Variants in CPSF3 observed in about 807,000 individuals in gnomAD.
CPSF3 encodes the protein cleavage and polyadenylation specificity factor subunit 3.
In CPSF3, 57 loss-of-function variants were observed where a neutral mutation model predicts 84.1. That is an observed-to-expected ratio of 0.68 (90% CI 0.55 to 0.85). CPSF3 has a LOEUF of 0.85. Among genes scored for constraint, CPSF3 ranks in the 40% least tolerant of loss-of-function variants. CPSF3 has a pLI of 0.00. For synonymous variants in CPSF3, 275 were observed against 278.1 expected (o/e 0.99, Z 0.11); for missense variants, 522 against 838.8 (o/e 0.62, Z 4.66).
At chr2:9,461,590 A>G (rs1681725791) in intron 15 of CPSF3, among the ~76,000 whole-genome samples, 2 of 151,826 alleles carry the variant, frequency 1.3e-5, no homozygotes, top group African/African-American at 4.8e-5. Context: ...AAATTGCTTG[A>G]AACCGGGGGG....
intron 16 of CPSF3, 57 bp downstream of exon 16, chr2:9,467,833 C>T (rs1035856964): frequency 1.4e-6 from 2 of 1,399,018 alleles, no homozygotes; most frequent in African/African-American, 2.8e-5. Flanking sequence ...GGAAGGAGCC[C>T]TGGATTCGGC....
intron 10 of CPSF3, among the ~76,000 whole-genome samples, chr2:9,446,218 G>T (rs1338512126): frequency 6.6e-6 from 1 of 152,202 alleles, no homozygotes; most frequent in Non-Finnish European, 1.5e-5. Context: ...GCCGATGTGG[G>T]TGGATCACTT....
intron 15 of CPSF3, among the ~76,000 whole-genome samples, chr2:9,466,366 A>G (rs1000140703): frequency 4.4e-4 from 65 of 146,294 alleles, no homozygotes; most frequent in Non-Finnish European, 7.9e-4. Context: ...ACACACACGC[A>G]CACACCCACG....
chr2:9,426,784 A>G lies in CPSF3; in HGVS notation c.51-1981A>G, dbSNP rs12988007. Among the ~76,000 whole-genome samples, 101 of 151,160 alleles carry G rather than the reference A, an allele frequency of 6.7e-4. 2 individuals are homozygous for G. The East Asian group carries it at 0.019, about 29-fold the overall frequency. ...GAGAACAAGATAGGGACTGACACCT[A>G]TAGTTCCAGCTACTTGGGAGGCTGA... is the stretch of plus-strand genomic sequence containing the variant. On this transcript the variant is annotated intron_variant, in intron 1 of 17. Transcript: ENST00000238112.
intron 10 of CPSF3, among the ~76,000 whole-genome samples, chr2:9,444,951 C>T (rs1047282137): frequency 6.6e-6 from 1 of 152,218 alleles, no homozygotes; most frequent in Non-Finnish European, 1.5e-5. Context: ...CAGGCATGAG[C>T]CACTGCACCT....
intron 4 of CPSF3, among the ~76,000 whole-genome samples, chr2:9,431,416 A>G (rs1179842575): frequency 6.6e-6 from 1 of 152,100 alleles, no homozygotes; most frequent in Non-Finnish European, 1.5e-5. Flanking sequence ...TGGAAGAGTT[A>G]TGCTTAATTG....
chr2:9,471,877 C>G (rs6432005), intron 17 of CPSF3, among the ~76,000 whole-genome samples: 10,437 of 151,612 alleles, frequency 0.069, 1,230 homozygotes, highest in African/African-American at 0.24. Context: ...ATGGCGGCAG[C>G]TGCCTGTAGT....
At position 9,441,934 on chromosome 2, in the gene CPSF3, T is replaced by G. The variant is rs1680969245; in HGVS notation, c.1053T>G (p.Gly351=). 6.2e-7 allele frequency: 1 copy of G among 1,614,178 alleles called. No homozygotes were observed. Among genetic ancestry groups the G allele is most frequent in the Non-Finnish European group, 8.5e-7 (1 of 1,180,024 alleles). The change falls in exon 9 of 18, where the codon GGT becomes GGG. Residue 351 remains glycine, a synonymous_variant. Coordinates refer to ENST00000238112, the MANE Select transcript of CPSF3 (RefSeq NM_016207.4). Reference sequence around the variant, plus strand: ...GCTGGTGTACTGATAAGAGGAATGGTGTCATTATAGCGGGATACTGTGTAG... The same window carrying G: ...GCTGGTGTACTGATAAGAGGAATGGGGTCATTATAGCGGGATACTGTGTAG... ...FESWCTDKRN[G]VIIAGYCVEG...
intron 15 of CPSF3, among the ~76,000 whole-genome samples, chr2:9,463,296 G>A (rs1259840453): frequency 6.6e-6 from 1 of 152,208 alleles, no homozygotes; most frequent in Non-Finnish European, 1.5e-5. Context: ...CTTGCTGAAA[G>A]TACTGTTAGG....
At chr2:9,463,195 C>A (rs1273804956) in intron 15 of CPSF3, among the ~76,000 whole-genome samples, 2 of 152,198 alleles carry the variant, frequency 1.3e-5, no homozygotes, top group African/African-American at 4.8e-5. Context: ...GGACCTCAGA[C>A]TTTCAGTGTG....
At chr2:9,463,055 T>C (rs1486948165) in intron 15 of CPSF3, among the ~76,000 whole-genome samples, 1 of 152,220 alleles carries the variant, frequency 6.6e-6, no homozygotes, top group Non-Finnish European at 1.5e-5. Flanking sequence ...CTCAAAGTGC[T>C]TAGGAAACAT....
rs964019807 is a variant in CPSF3, at chr2:9,441,702, A to G, written c.937-116A>G. On this transcript the variant is annotated intron_variant, in intron 8 of 17. Coordinates refer to ENST00000238112, the MANE Select transcript of CPSF3 (RefSeq NM_016207.4). ...CTTAAAATGTTTACAGATCTTGTGA[A>G]GGCTCTTTCAGTGATGTGATTAATC... is the stretch of plus-strand genomic sequence containing the variant. 6 of 1,009,348 alleles carry G rather than the reference A, an allele frequency of 5.9e-6. No homozygotes were observed. The African/African-American group carries it at 6.5e-5, about 11-fold the overall frequency. The allele number at this position is 1,009,348 out of a possible 1,614,324, so 62.5% of individuals were successfully genotyped here.
In CPSF3 at chr2:9,471,399, C is replaced by T. The variant is rs1208417046; in HGVS notation, c.1913C>T (p.Thr638Ile). ...SVKDDSILSV[T>I]VDGKTANLNL... ...AAGGATGACTCTATTCTTAGCGTCA[C>T]AGTGGACGGGAAAACTGCCAACCTT... The change falls in exon 17 of 18, where the codon ACA becomes ATA. Residue 638 changes from threonine (T) to isoleucine (I), a missense_variant. Thr to Ile is a moderately conservative substitution (Grantham distance 89). Around this residue, in one of 2 missense-constraint regions of CPSF3, gnomAD observed 193 missense variants for 231.6 expected, o/e 0.83. Coordinates refer to ENST00000238112, the MANE Select transcript of CPSF3 (RefSeq NM_016207.4). The T allele has an allele frequency of 6.2e-7, 1 of 1,612,512 alleles. No homozygotes were observed.
chr2:9,443,603 C>T lies in CPSF3; in HGVS notation c.1184C>T (p.Ala395Val). ...TCTGTTGATTACATTTCTTTCTCAG[C>T]TCACACGGATTACCAGCAAACCAGT... ...KMSVDYISFS[A>V]HTDYQQTSEF... The change falls in exon 10 of 18, where the codon GCT becomes GTT. Residue 395 changes from alanine (A) to valine (V), a missense_variant. This residue lies in a region of CPSF3 where 329 missense variants were observed against 607.2 expected (regional missense o/e 0.54). Coordinates refer to ENST00000238112, the MANE Select transcript of CPSF3 (RefSeq NM_016207.4). 1 of 1,614,180 alleles carries T rather than the reference C, an allele frequency of 6.2e-7. No individual in the cohort carries two copies. The highest frequency in any genetic ancestry group is 8.5e-7 in the Non-Finnish European group (1 of 1,180,022).
rs570102674 is a variant in CPSF3, at chr2:9,453,088, C to A, written c.1504+67C>A. On this transcript the variant is annotated intron_variant, in intron 12 of 17. Coordinates refer to ENST00000238112, the MANE Select transcript of CPSF3 (RefSeq NM_016207.4). ...ACTGAAAGAAAATCTATGAAAACTTCTCTTCACCTTGTGGCCTAATGTTAT... is the reference window on the plus strand; with the variant it reads ...ACTGAAAGAAAATCTATGAAAACTTATCTTCACCTTGTGGCCTAATGTTAT... 4.9e-5 allele frequency: 47 copies of A among 963,352 alleles called. No individual in the cohort carries two copies. In the African/African-American group the frequency reaches 6.6e-4, roughly 14 times the overall value. 59.7% of individuals were successfully genotyped at this position (963,352 alleles called of 1,614,324 possible). A position where few individuals can be genotyped will look rare whatever the true frequency, so the allele number is the denominator to read the frequency against.
chr2:9,433,698 G>A (rs962449886), intron 5 of CPSF3, among the ~76,000 whole-genome samples, 173 bp from the exon 6 acceptor site: 6 of 152,120 alleles, frequency 3.9e-5, no homozygotes, highest in African/African-American at 7.2e-5. Context: ...GCACTGAACC[G>A]TTTACTGACT....
intron 1 of CPSF3, among the ~76,000 whole-genome samples, chr2:9,425,425 ATGAATAAAAGCATG>A (rs1453875269): frequency 2.0e-5 from 3 of 152,060 alleles, no homozygotes; most frequent in African/African-American, 7.3e-5. Flanking sequence ...AAAAGCATGG[ATGAATAAAAGCATG>A]GATTGAGTAG....
chr2:9,431,552 CTTT>C (rs1203852978), intron 4 of CPSF3, among the ~76,000 whole-genome samples: 1 of 42,658 alleles, frequency 2.3e-5, no homozygotes, highest in African/African-American at 7.1e-5. Context: ...TTTTTTTTTT[CTTT>C]TTTTTTTGAG....
Position 9,436,294 on chromosome 2 carries a change from CAGA to C in CPSF3, c.694_696del (p.Arg232del), listed in dbSNP as rs1680779231. On this transcript the variant is annotated inframe_deletion, in exon 7 of 18. Transcript: ENST00000238112. Reference sequence around the variant, plus strand: ...GTAACACTGTCCACGATATTGTAAACAGAGGAGGCAGGGGTCTCATTCCTGTCT... The same window carrying C: ...GTAACACTGTCCACGATATTGTAAACGGAGGCAGGGGTCTCATTCCTGTCT... 1 of 1,613,950 alleles carries C rather than the reference CAGA, an allele frequency of 6.2e-7. No homozygotes were observed. The highest frequency in any genetic ancestry group is 2.2e-5 in the East Asian group (1 of 44,874).
Sources: gnomAD v4.1 joint callset for allele counts (sites outside exome capture counted in the v4.1 genomes callset) on GRCh38, gnomAD v4.1.1 for gene constraint, gnomAD v4.1.1 regional missense constraint, MANE v1.5 for transcripts, NCBI Gene and HGNC (gene_info 2026-07-23, HGNC 2026-07-21) for gene names.